Variants in PICALM observed in about 807,000 individuals in gnomAD.
The protein encoded by PICALM is phosphatidylinositol-binding clathrin assembly protein.
Under a neutral mutation model 80.5 loss-of-function variants are expected in PICALM, and 40 were observed. The ratio of observed to expected loss-of-function variants is 0.50; its 90% CI spans 0.39 to 0.65. The LOEUF is 0.65. PICALM is among the 30% of genes least tolerant of loss of function. The pLI, the probability that PICALM is intolerant of heterozygous loss-of-function variation, is 0.00. For synonymous variants in PICALM, 288 were observed against 260.3 expected, an observed-to-expected ratio of 1.11 and a Z score of -1.02; for missense variants, 676 against 778.9, an observed-to-expected ratio of 0.87 and a Z score of 1.57.
chr11:86,054,211 GC>G (rs1479932861), intron 1 of PICALM, among the ~76,000 whole-genome samples: 1 of 152,226 alleles, frequency 6.6e-6, no homozygotes, highest in East Asian at 1.9e-4. Flanking sequence ...GGTATATTTA[GC>G]CCCCTGCACA....
At chr11:86,047,122 C>T (rs761623945) in intron 1 of PICALM, among the ~76,000 whole-genome samples, 6 of 152,212 alleles carry the variant, frequency 3.9e-5, no homozygotes, top group Non-Finnish European at 8.8e-5. Flanking sequence ...AACCTTTCCA[C>T]TAGCAGGATA....
chr11:85,964,372 A>G (rs1222942667), intron 19 of PICALM, among the ~76,000 whole-genome samples: 1 of 152,166 alleles, frequency 6.6e-6, no homozygotes, highest in Non-Finnish European at 1.5e-5. Context: ...TAAGAGAAAA[A>G]TGGATTGTAC....
At chr11:86,054,835 C>T (rs946272973) in intron 1 of PICALM, among the ~76,000 whole-genome samples, 4 of 151,950 alleles carry the variant, frequency 2.6e-5, no homozygotes, top group African/African-American at 7.3e-5. Flanking sequence ...TGGGGTTTCT[C>T]CATGTTGGTC....
chr11:86,029,541 A>C (rs538873606), intron 2 of PICALM, among the ~76,000 whole-genome samples: 31 of 152,332 alleles, frequency 2.0e-4, no homozygotes, highest in Non-Finnish European at 3.5e-4. Context: ...CTTGTCAGTC[A>C]ATCTACAAAA....
chr11:86,010,933 A>G (rs2095383974), intron 7 of PICALM, 97 bp downstream of exon 7: 2 of 661,520 alleles, frequency 3.0e-6, no homozygotes, highest in Admixed American at 3.2e-5. Context: ...ACTAAATTGA[A>G]GACATTTATT....
chr11:86,006,866 A>C (rs603599), intron 8 of PICALM, among the ~76,000 whole-genome samples: 1 of 152,240 alleles, frequency 6.6e-6, no homozygotes, highest in African/African-American at 2.4e-5. Flanking sequence ...TGATAAAGAC[A>C]ATATTAAAAT....
chr11:86,069,366 C>A (rs1327654769), upstream of PICALM: 1 of 155,526 alleles, frequency 6.4e-6, no homozygotes, highest in Non-Finnish European at 1.4e-5. Flanking sequence ...GGGTCACAGA[C>A]GCCGGGCGGG....
At chr11:86,058,946 T>C (rs888785011) in intron 1 of PICALM, among the ~76,000 whole-genome samples, 5 of 152,234 alleles carry the variant, frequency 3.3e-5, no homozygotes, top group African/African-American at 1.2e-4. Flanking sequence ...CATTTTAATA[T>C]AGTGTTCAAC....
At chr11:86,032,234 T>C (rs1469364536) in intron 1 of PICALM, among the ~76,000 whole-genome samples, 1 of 152,138 alleles carries the variant, frequency 6.6e-6, no homozygotes, top group Non-Finnish European at 1.5e-5. Context: ...TAGGTAATAC[T>C]GAGAACAAAA....
In PICALM at chr11:86,059,905, G is replaced by A. The variant is rs1170875534; in HGVS notation, c.130+8746C>T. Among the ~76,000 whole-genome samples, 4 of 151,806 alleles carry A rather than the reference G, an allele frequency of 2.6e-5. No homozygotes were observed. The East Asian group carries it at 7.7e-4, about 29-fold the overall frequency. On this transcript the variant is annotated intron_variant, in intron 1 of 19. Coordinates refer to ENST00000393346, the MANE Select transcript of PICALM (RefSeq NM_007166.4). ...AAAGAGAGAGGACAAATAATCAAGA[G>A]TTCCAATTAATAACTAATTTTTAAG...
rs2093570585 is a variant in PICALM at position 85,957,762 on chromosome 11, T to A, written c.*1284A>T. On this transcript the variant is annotated 3_prime_UTR_variant, in exon 20 of 20. Coordinates refer to ENST00000393346, the MANE Select transcript of PICALM (RefSeq NM_007166.4). The stretch of plus-strand genomic sequence containing the variant: ...TTTAATATTGTAAACAAAAATAGAA[T>A]CTGCAGAGACAATGCAACAAGAATG... The A allele has an allele frequency of 4.6e-6, 1 of 215,598 alleles. No individual in the cohort carries two copies. The highest frequency in any genetic ancestry group is 9.4e-6 in the Non-Finnish European group (1 of 106,858). 13.4% of individuals were successfully genotyped at this position (215,598 alleles called of 1,614,324 possible).
chr11:86,021,646 C>A (rs1207790114), intron 4 of PICALM, among the ~76,000 whole-genome samples: 1 of 151,962 alleles, frequency 6.6e-6, no homozygotes, highest in Non-Finnish European at 1.5e-5. Context: ...AAATGACAAA[C>A]ATAAGAGTTA....
Position 86,001,196 on chromosome 11 carries a change from A to G in PICALM, c.894-38T>C, listed in dbSNP as rs756906962. 16 of 1,605,048 alleles carry G rather than the reference A, an allele frequency of 1.0e-5. 1 individual carries two copies. The South Asian group carries it at 1.1e-4, about 11-fold the overall frequency. The stretch of plus-strand genomic sequence containing the variant: ...AACAGAGATAATTTGGCTTTTTGCT[A>G]AACACTTCACATTACACCCAGGTCA... On this transcript the variant is annotated intron_variant, in intron 9 of 19. Coordinates refer to ENST00000393346, the MANE Select transcript of PICALM (RefSeq NM_007166.4).
chr11:86,051,676 A>G (rs2096191020), intron 1 of PICALM, among the ~76,000 whole-genome samples: 1 of 152,106 alleles, frequency 6.6e-6, no homozygotes, highest in South Asian at 2.1e-4. Context: ...GAAAAGAAAA[A>G]AAGTATAGAA....
intron 1 of PICALM, among the ~76,000 whole-genome samples, chr11:86,066,022 G>A (rs2096442889): frequency 6.6e-6 from 1 of 151,978 alleles, no homozygotes; most frequent in Non-Finnish European, 1.5e-5. Flanking sequence ...CAGTTGCTAG[G>A]GGCATTAAAA....
intron 1 of PICALM, among the ~76,000 whole-genome samples, chr11:86,041,531 G>C (rs1456752821): frequency 6.8e-6 from 1 of 147,620 alleles, no homozygotes; most frequent in Non-Finnish European, 1.5e-5. Context: ...AACTGAAAAG[G>C]GAATATGTAG....
chr11:86,051,166 CTG>C (rs2096180043), intron 1 of PICALM, among the ~76,000 whole-genome samples: 1 of 152,176 alleles, frequency 6.6e-6, no homozygotes, highest in Non-Finnish European at 1.5e-5. Flanking sequence ...CAGAGAGAAA[CTG>C]TTTCTGGTAT....
intron 12 of PICALM, among the ~76,000 whole-genome samples, chr11:85,990,752 T>C (rs1027963074): frequency 1.7e-4 from 26 of 152,222 alleles, no homozygotes; most frequent in Non-Finnish European, 3.2e-4. Flanking sequence ...GGTATAGCTG[T>C]GTTTACTTGA....
chr11:85,998,583 A>C (rs945978352), intron 11 of PICALM, among the ~76,000 whole-genome samples: 1 of 152,114 alleles, frequency 6.6e-6, no homozygotes, highest in East Asian at 2.0e-4. Flanking sequence ...GCTTGAGTTC[A>C]AAAGTTCAAG....
Sources: gnomAD v4.1 joint callset for allele counts (sites outside exome capture counted in the v4.1 genomes callset) on GRCh38, gnomAD v4.1.1 for gene constraint, MANE v1.5 for transcripts, NCBI Gene and HGNC (gene_info 2026-07-23, HGNC 2026-07-21) for gene names.